The following CDH13 variants were observed in gnomAD, a reference collection of about 807,000 sequenced individuals.
The protein encoded by CDH13 is cadherin-13.
CDH13 carries 24 observed loss-of-function variants against 63.8 expected under a neutral mutation model. The ratio of observed to expected loss-of-function variants is 0.38; its 90% CI spans 0.27 to 0.53. The LOEUF (loss-of-function observed/expected upper bound fraction) is 0.53, where lower values mean the gene tolerates loss of function less well. Ranked by LOEUF, CDH13 falls within the 20% of genes least tolerant of loss-of-function variation. The pLI is 0.85. For synonymous variants in CDH13, 503 were observed against 355.3 expected (o/e 1.42, Z -4.67); for missense variants, 1,049 against 903.1 (o/e 1.16, Z -2.07).
intron 1 of CDH13, among the ~76,000 whole-genome samples, chr16:82,688,210 G>A (rs942499608): frequency 3.3e-5 from 5 of 152,168 alleles, no homozygotes; most frequent in African/African-American, 1.2e-4. Flanking sequence ...GGTATAGCCT[G>A]GCAGCAACTG....
At chr16:83,462,220 C>A (rs2073199933) in intron 6 of CDH13, among the ~76,000 whole-genome samples, 1 of 152,210 alleles carries the variant, frequency 6.6e-6, no homozygotes, top group Non-Finnish European at 1.5e-5. Context: ...TTCAGCAGGA[C>A]CTGTCTCTGC....
At chr16:83,792,307 A>G (rs1187547441) in intron 13 of CDH13, among the ~76,000 whole-genome samples, 1 of 152,236 alleles carries the variant, frequency 6.6e-6, no homozygotes, top group East Asian at 1.9e-4. Context: ...GGCTTTACAT[A>G]AATTAAATAA....
At chr16:82,787,336 G>C (rs1364706729) in intron 1 of CDH13, among the ~76,000 whole-genome samples, 1 of 152,228 alleles carries the variant, frequency 6.6e-6, no homozygotes, top group East Asian at 1.9e-4. Context: ...AAAATAAACA[G>C]TATCTCAAAC....
intron 4 of CDH13, among the ~76,000 whole-genome samples, chr16:83,179,257 G>T (rs147907550): frequency 1.3e-5 from 2 of 152,172 alleles, no homozygotes; most frequent in South Asian, 2.1e-4. Context: ...GAACTTTTGT[G>T]TTCCATGCAG....
intron 4 of CDH13, among the ~76,000 whole-genome samples, chr16:83,143,001 G>A (rs1351121086): frequency 6.6e-6 from 1 of 152,310 alleles, no homozygotes; most frequent in African/African-American, 2.4e-5. Flanking sequence ...TACTCAGGAA[G>A]GCTGAGGCAG....
chr16:83,096,840 C>T (rs944392259), intron 3 of CDH13, among the ~76,000 whole-genome samples: 2 of 152,188 alleles, frequency 1.3e-5, no homozygotes, highest in Non-Finnish European at 2.9e-5. Flanking sequence ...TTTTTTATAC[C>T]TGGAGTTTAA....
chr16:83,557,550 G>A lies in CDH13; in HGVS notation c.961-44904G>A, dbSNP rs933739914. On this transcript the variant is annotated intron_variant, in intron 7 of 13. Transcript: ENST00000567109. ...AAACGAAGCTCTCTGTAAGCCTTTC[G>A]GAAATAGTACAGATACGGAAACAGG... 3.3e-5 allele frequency among the ~76,000 whole-genome samples: 5 copies of A among 152,070 alleles called. No homozygotes were observed. In the East Asian group the frequency reaches 5.8e-4, roughly 18 times the overall value.
chr16:82,708,785 C>T (rs942927624), intron 1 of CDH13, among the ~76,000 whole-genome samples: 3 of 152,078 alleles, frequency 2.0e-5, no homozygotes, highest in Non-Finnish European at 4.4e-5. Flanking sequence ...TCTGAGACAC[C>T]CCTCCCCAGA....
At chr16:82,669,161 C>T (rs779168750) in intron 1 of CDH13, among the ~76,000 whole-genome samples, 2 of 152,176 alleles carry the variant, frequency 1.3e-5, no homozygotes, top group Non-Finnish European at 2.9e-5. Context: ...GCATGAAACC[C>T]ACTACAGACC....
At chr16:83,688,279 G>A (rs1045699389) in intron 10 of CDH13, among the ~76,000 whole-genome samples, 1 of 152,148 alleles carries the variant, frequency 6.6e-6, no homozygotes, top group Non-Finnish European at 1.5e-5. Flanking sequence ...GAAGAAAAAG[G>A]CAAAAATCAG....
At chr16:83,289,099 GCTATTGCTTGCTCCTGGC>G in intron 5 of CDH13, among the ~76,000 whole-genome samples, 1 of 152,156 alleles carries the variant, frequency 6.6e-6, no homozygotes, top group East Asian at 1.9e-4. Context: ...AGAATCATGG[GCTATTGCTTGCTCCTGGC>G]CTACAAGAAC....
chr16:83,513,999 A>G lies in CDH13; in HGVS notation c.960+27344A>G, dbSNP rs147676889. Among the ~76,000 whole-genome samples, 44 of 152,336 alleles carry G rather than the reference A, an allele frequency of 2.9e-4. No individual in the cohort carries two copies. In the East Asian group the frequency reaches 7.3e-3, roughly 25 times the overall value. ...AGACTGTCTTGTATGTTAAAAGTTC[A>G]TCATCAGGAGCTGAAAGAATTGAAA... On this transcript the variant is annotated intron_variant, in intron 7 of 13. Coordinates refer to ENST00000567109, the MANE Select transcript of CDH13 (RefSeq NM_001257.5).
intron 6 of CDH13, among the ~76,000 whole-genome samples, chr16:83,394,387 C>T (rs1269302930): frequency 1.3e-5 from 2 of 152,022 alleles, no homozygotes; most frequent in African/African-American, 2.4e-5. Context: ...AGAGAGTGAG[C>T]CACGTGGATA....
intron 7 of CDH13, among the ~76,000 whole-genome samples, chr16:83,490,924 C>T (rs2073999672): frequency 6.6e-6 from 1 of 152,306 alleles, no homozygotes; most frequent in African/African-American, 2.4e-5. Flanking sequence ...GATTTCTGTT[C>T]TCTCTCTCTA....
intron 3 of CDH13, among the ~76,000 whole-genome samples, chr16:83,069,256 C>A (rs1055205731): frequency 1.3e-5 from 2 of 152,178 alleles, no homozygotes; most frequent in African/African-American, 4.8e-5. Context: ...AGAGTTCTAA[C>A]ACCAATCAGT....
intron 8 of CDH13, among the ~76,000 whole-genome samples, chr16:83,607,067 T>C (rs1402195918): frequency 6.6e-6 from 1 of 151,972 alleles, no homozygotes; most frequent in East Asian, 1.9e-4. Flanking sequence ...GCATTTATAG[T>C]GTTTGTTTAA....
chr16:82,733,168 T>A (rs1367139445), intron 1 of CDH13, among the ~76,000 whole-genome samples: 6 of 152,148 alleles, frequency 3.9e-5, no homozygotes, highest in Non-Finnish European at 8.8e-5. Context: ...ATCTCAACAA[T>A]GTGTCCTCAC....
intron 12 of CDH13, among the ~76,000 whole-genome samples, chr16:83,782,774 G>A (rs966671277): frequency 1.3e-5 from 2 of 151,720 alleles, no homozygotes; most frequent in African/African-American, 4.8e-5. Flanking sequence ...AAAAATGTAG[G>A]CTATAGAACC....
intron 7 of CDH13, among the ~76,000 whole-genome samples, chr16:83,589,457 C>T (rs1233709913): frequency 6.6e-6 from 1 of 151,582 alleles, no homozygotes; most frequent in Non-Finnish European, 1.5e-5. Context: ...TGAGGACTCT[C>T]GTGATCACAT....
Sources: gnomAD v4.1 joint callset for allele counts (sites outside exome capture counted in the v4.1 genomes callset) on GRCh38, gnomAD v4.1.1 for gene constraint, MANE v1.5 for transcripts, NCBI Gene and HGNC (gene_info 2026-07-23, HGNC 2026-07-21) for gene names.